The following CENPM variants were observed in gnomAD, a reference collection of about 807,000 sequenced individuals.
CENPM encodes interphase centromere complex protein 39.
CENPM carries 14 observed loss-of-function variants against 19.6 expected under a neutral mutation model. The observed-to-expected ratio is 0.71, with a 90% CI of 0.47 to 1.11. The LOEUF (loss-of-function observed/expected upper bound fraction) is 1.11, where lower values mean the gene tolerates loss of function less well. Among genes scored for constraint, CENPM ranks in the 50% most tolerant of loss-of-function variants. The pLI is 0.00. For synonymous variants in CENPM, 114 were observed against 101.5 expected, an observed-to-expected ratio of 1.12 and a Z score of -0.74; for missense variants, 239 against 228.4, an observed-to-expected ratio of 1.05 and a Z score of -0.30.
intron 4 of CENPM, 93 bp downstream of exon 4, chr22:41,945,132 T>G (rs1042199191): frequency 2.5e-6 from 4 of 1,591,522 alleles, no homozygotes; most frequent in Non-Finnish European, 3.4e-6. Flanking sequence ...ACATGCTCTT[T>G]CCATCACCCA....
intron 4 of CENPM, chr22:41,944,733 C>A (rs908280212): frequency 1.0e-6 from 1 of 985,210 alleles, no homozygotes; most frequent in East Asian, 1.1e-4. Context: ...GGAGAGTCAC[C>A]GGAGATGAGA....
chr22:41,927,223 CCTCT>C, the CENPM span, among the ~76,000 whole-genome samples: 14 of 152,130 alleles, frequency 9.2e-5, no homozygotes, highest in African/African-American at 2.9e-4. Flanking sequence ...CCCGGCCTGG[CCTCT>C]CTTTCTACCT....
chr22:41,927,447 C>G, the CENPM span, among the ~76,000 whole-genome samples: 1 of 152,176 alleles, frequency 6.6e-6, no homozygotes, highest in Non-Finnish European at 1.5e-5. Context: ...TCTCCCCCAA[C>G]CCACCTGTCT....
rs541587860 is a variant in CENPM at position 41,946,730 on chromosome 22, G to T, written c.58-234C>A. The T allele has an allele frequency of 1.0e-3, 620 of 593,926 alleles. 3 individuals are homozygous for T. The highest frequency in any genetic ancestry group is 3.9e-4 in the Non-Finnish European group (130 of 332,956). The allele number at this position is 593,926 out of a possible 1,614,324, so 36.8% of individuals were successfully genotyped here. On this transcript the variant is annotated intron_variant, in intron 1 of 5. Transcript: ENST00000215980. ...CTACCCGACCCTCGCTCCCACCGCC[G>T]GCCTCTCCAGGAGGCCAGACCCCCA...
At chr22:41,941,356 G>C (rs142288312) in intron 5 of CENPM, among the ~76,000 whole-genome samples, 668 of 152,342 alleles carry the variant, frequency 4.4e-3, no homozygotes, top group Admixed American at 0.01. Flanking sequence ...CCTATGTCCT[G>C]AGCAGGCATT....
the CENPM span, among the ~76,000 whole-genome samples, chr22:41,927,396 C>T: frequency 6.6e-6 from 1 of 152,160 alleles, no homozygotes; most frequent in Non-Finnish European, 1.5e-5. Flanking sequence ...TCTGCTCCGT[C>T]TAGCCAAAGC....
chr22:41,927,868 C>G, the CENPM span, among the ~76,000 whole-genome samples: 13 of 152,302 alleles, frequency 8.5e-5, no homozygotes, highest in African/African-American at 3.1e-4. Context: ...CACACTTGTG[C>G]TGATGGGGGA....
intron 5 of CENPM, among the ~76,000 whole-genome samples, chr22:41,941,220 C>T (rs2077736044): frequency 6.6e-6 from 1 of 152,214 alleles, no homozygotes; most frequent in Admixed American, 6.5e-5. Flanking sequence ...TCCTGCCACG[C>T]AAAGGCCTCA....
At chr22:41,942,129 A>G (rs1483750686) in intron 5 of CENPM, among the ~76,000 whole-genome samples, 2 of 152,224 alleles carry the variant, frequency 1.3e-5, no homozygotes, top group African/African-American at 4.8e-5. Context: ...CCCAGAACAG[A>G]GCAGAAACAC....
In CENPM at chr22:41,943,407, A is replaced by G. The variant is rs186744382; in HGVS notation, c.402+203T>C. On this transcript the variant is annotated intron_variant, in intron 5 of 5. Transcript: ENST00000215980. Reference sequence around the variant, plus strand: ...TCCTCACTTCACACCTGTGTACCCCAAGGCTCAGGGTGACCTGCCCAGGTC... The same window carrying G: ...TCCTCACTTCACACCTGTGTACCCCGAGGCTCAGGGTGACCTGCCCAGGTC... 3.2e-3 allele frequency among the ~76,000 whole-genome samples: 489 copies of G among 152,286 alleles called. 7 individuals carry two copies. The highest frequency in any genetic ancestry group is 0.011 in the African/African-American group (464 of 41,566).
chr22:41,939,529 G>A (rs901132190), intron 5 of CENPM, among the ~76,000 whole-genome samples: 48 of 152,210 alleles, frequency 3.2e-4, no homozygotes, highest in African/African-American at 1.1e-3. Context: ...TCTGAATCAG[G>A]GCTACTTCCA....
At chr22:41,938,362 G>A (rs888347169), downstream of CENPM, among the ~76,000 whole-genome samples, 16 of 114,902 alleles carry the variant, frequency 1.4e-4, no homozygotes, top group Non-Finnish European at 2.0e-4. Flanking sequence ...GGCTGGTCTC[G>A]CTTTTTTTTT....
chr22:41,939,276 G>A, intron 5 of CENPM, 80 bp from the exon 6 acceptor site: 1 of 1,489,346 alleles, frequency 6.7e-7, no homozygotes, highest in Non-Finnish European at 9.0e-7. Flanking sequence ...GGGGCTGCCA[G>A]AGCAGGGCTG....
chr22:41,932,971 A>G, the CENPM span, among the ~76,000 whole-genome samples: 4 of 152,168 alleles, frequency 2.6e-5, no homozygotes, highest in African/African-American at 4.8e-5. This position sits in a 1 kb window ranked among gnomAD's most constrained non-coding sequence, Gnocchi z 4.3. Context: ...ATGGGACACA[A>G]CGTAGTGGGT....
chr22:41,938,531 AATTTTTGT>A (rs2077695234), downstream of CENPM, among the ~76,000 whole-genome samples: 1 of 151,784 alleles, frequency 6.6e-6, no homozygotes, highest in Non-Finnish European at 1.5e-5. Flanking sequence ...ACATCTGGCT[AATTTTTGT>A]ATTTTTGTAG....
chr22:41,930,085 A>G, the CENPM span, among the ~76,000 whole-genome samples: 1 of 151,174 alleles, frequency 6.6e-6, no homozygotes, highest in Non-Finnish European at 1.5e-5. Flanking sequence ...CTGGGACTAC[A>G]GGCGCCCGCC....
chr22:41,946,341 C>T (rs1330353020), intron 2 of CENPM, 76 bp downstream of exon 2: 10 of 1,275,092 alleles, frequency 7.8e-6, no homozygotes, highest in African/African-American at 5.9e-5. Context: ...CGCTGGGCTT[C>T]GGAGTTTAGC....
downstream of CENPM, among the ~76,000 whole-genome samples, chr22:41,938,461 G>A (rs1253855652): frequency 1.3e-5 from 2 of 151,386 alleles, no homozygotes; most frequent in Admixed American, 6.6e-5. Flanking sequence ...CGCCTCCCGG[G>A]TTCAAGTGAT....
chr22:41,946,119 G>A, intron 2 of CENPM, 114 bp from the exon 3 acceptor site: 1 of 903,262 alleles, frequency 1.1e-6, no homozygotes, highest in Non-Finnish European at 1.8e-6. Context: ...CCTCATCCTA[G>A]CCACCCGAGG....
Sources: gnomAD v4.1 joint callset for allele counts (sites outside exome capture counted in the v4.1 genomes callset) on GRCh38, gnomAD v4.1.1 for gene constraint, Gnocchi (gnomAD v3.1) non-coding constraint, MANE v1.5 for transcripts, NCBI Gene and HGNC (gene_info 2026-07-23, HGNC 2026-07-21) for gene names.